The following EXOC4 variants were observed in gnomAD, a reference collection of about 807,000 sequenced individuals.
EXOC4 encodes SEC8-like 1.
EXOC4 carries 71 observed loss-of-function variants against 107.2 expected under a neutral mutation model. That is an observed-to-expected ratio of 0.66 (90% confidence interval 0.55 to 0.81). The LOEUF is 0.81. Ranked by LOEUF, EXOC4 falls within the 30% of genes least tolerant of loss-of-function variation. The pLI, the probability that EXOC4 is intolerant of heterozygous loss-of-function variation, is 0.00. For synonymous variants in EXOC4, 456 were observed against 441.2 expected, an observed-to-expected ratio of 1.03 and a Z score of -0.42; for missense variants, 1,108 against 1,189.6, an observed-to-expected ratio of 0.93 and a Z score of 1.01.
chr7:133,621,518 C>T (rs1007736918), intron 9 of EXOC4, among the ~76,000 whole-genome samples: 4 of 152,178 alleles, frequency 2.6e-5, no homozygotes, highest in South Asian at 2.1e-4. Context: ...TTCCAACACA[C>T]GTAAGATACT....
At chr7:133,424,407 T>G (rs1797677378) in intron 7 of EXOC4, among the ~76,000 whole-genome samples, 1 of 151,564 alleles carries the variant, frequency 6.6e-6, no homozygotes, top group African/African-American at 2.4e-5. Context: ...GCAGCCTCAC[T>G]CTGAAGTCAG....
downstream of EXOC4, among the ~76,000 whole-genome samples, chr7:134,067,632 T>TAC (rs1177750777): frequency 0.069 from 6,789 of 98,202 alleles, 309 homozygotes; most frequent in East Asian, 0.17. Flanking sequence ...CTCTTATATA[T>TAC]ATATATACAC....
intron 3 of EXOC4, among the ~76,000 whole-genome samples, chr7:133,290,265 C>T (rs566642532): frequency 7.9e-5 from 12 of 152,228 alleles, no homozygotes; most frequent in African/African-American, 2.6e-4. Flanking sequence ...CACTGTACTC[C>T]AGCCTGGGCG....
At chr7:133,531,618 AGTT>A (rs1800183014) in intron 9 of EXOC4, among the ~76,000 whole-genome samples, 3 of 152,278 alleles carry the variant, frequency 2.0e-5, no homozygotes, top group Admixed American at 2.0e-4. Context: ...CAGGGTCCAA[AGTT>A]AGGAAGAAAA....
intron 12 of EXOC4, among the ~76,000 whole-genome samples, chr7:133,898,624 T>C (rs1425907008): frequency 6.6e-6 from 1 of 151,420 alleles, no homozygotes; most frequent in Non-Finnish European, 1.5e-5. Context: ...GCAGCGCCTG[T>C]AGTCCCAGCT....
intron 10 of EXOC4, among the ~76,000 whole-genome samples, chr7:133,702,309 C>T (rs1794677000): frequency 1.3e-5 from 2 of 151,074 alleles, no homozygotes; most frequent in Admixed American, 1.3e-4. Flanking sequence ...TTGTCGCCAC[C>T]AACGATGCTG....
At chr7:134,041,638 G>A (rs962564700) in intron 17 of EXOC4, among the ~76,000 whole-genome samples, 4 of 151,984 alleles carry the variant, frequency 2.6e-5, no homozygotes, top group Admixed American at 2.0e-4. Context: ...ATTTAATTAG[G>A]CTTGATATCA....
intron 10 of EXOC4, among the ~76,000 whole-genome samples, chr7:133,696,362 C>T (rs1562911965): frequency 6.6e-6 from 1 of 152,184 alleles, no homozygotes; most frequent in Non-Finnish European, 1.5e-5. Flanking sequence ...TGATTTAGGG[C>T]TTAAAGGTCA....
chr7:134,078,211 T>G, the EXOC4 span, among the ~76,000 whole-genome samples: 1 of 152,126 alleles, frequency 6.6e-6, no homozygotes, highest in Non-Finnish European at 1.5e-5. Flanking sequence ...TCCTGTAGTA[T>G]TAGTGAGCTC....
intron 14 of EXOC4, among the ~76,000 whole-genome samples, chr7:133,981,491 G>GA (rs549011750): frequency 2.0e-5 from 3 of 151,264 alleles, no homozygotes; most frequent in Non-Finnish European, 3.0e-5. Context: ...CAGGCAACAA[G>GA]AAAAAAAAGC....
intron 12 of EXOC4, among the ~76,000 whole-genome samples, chr7:133,903,406 G>C (rs1462916617): frequency 6.6e-6 from 1 of 152,184 alleles, no homozygotes; most frequent in Non-Finnish European, 1.5e-5. Flanking sequence ...TTGCACTGTT[G>C]GTAGCAGCAG....
intron 14 of EXOC4, among the ~76,000 whole-genome samples, chr7:133,958,516 T>C (rs548658542): frequency 6.6e-6 from 1 of 152,236 alleles, no homozygotes; most frequent in Non-Finnish European, 1.5e-5. Flanking sequence ...ACTGAAACTG[T>C]TCTCTCTGAC....
chr7:133,479,926 T>G, intron 8 of EXOC4, 124 bp from the exon 9 acceptor site: 1 of 791,238 alleles, frequency 1.3e-6, no homozygotes, highest in Non-Finnish European at 2.2e-6. Context: ...ATAGCCAAAG[T>G]GTCTTCATCA....
intron 9 of EXOC4, among the ~76,000 whole-genome samples, chr7:133,491,848 A>G (rs1183783115): frequency 1.3e-5 from 2 of 152,220 alleles, no homozygotes; most frequent in Non-Finnish European, 2.9e-5. Context: ...GACCACACTG[A>G]ACAAAGGAAG....
intron 14 of EXOC4, among the ~76,000 whole-genome samples, chr7:133,967,616 G>C (rs1801101234): frequency 6.6e-6 from 1 of 152,174 alleles, no homozygotes; most frequent in African/African-American, 2.4e-5. Context: ...AGGTTGTTTA[G>C]TTTCCATGAA....
chr7:133,641,986 A>G (rs924045997), intron 10 of EXOC4, among the ~76,000 whole-genome samples: 1 of 152,178 alleles, frequency 6.6e-6, no homozygotes, highest in African/African-American at 2.4e-5. Context: ...TGAACGTTGG[A>G]GGTCTGTCTG....
intron 5 of EXOC4, among the ~76,000 whole-genome samples, chr7:133,346,177 G>T (rs1377561858): frequency 6.6e-6 from 1 of 152,146 alleles, no homozygotes; most frequent in African/African-American, 2.4e-5. Flanking sequence ...TACAGATTTG[G>T]CAAGGGCAAC....
chr7:133,734,073 C>T (rs1479460300), intron 10 of EXOC4, among the ~76,000 whole-genome samples: 1 of 152,216 alleles, frequency 6.6e-6, no homozygotes, highest in Non-Finnish European at 1.5e-5. Context: ...CTGCTCAACT[C>T]AATATATGGA....
intron 17 of EXOC4, among the ~76,000 whole-genome samples, chr7:134,054,323 A>G (rs1417011125): frequency 6.6e-6 from 1 of 152,134 alleles, no homozygotes; most frequent in African/African-American, 2.4e-5. Context: ...CCCAGTGACC[A>G]TTCACCCACC....
Sources: allele counts gnomAD v4.1 joint callset (sites outside exome capture counted in the v4.1 genomes callset), GRCh38; gene constraint gnomAD v4.1.1; transcripts MANE v1.5; gene names NCBI Gene and HGNC (gene_info 2026-07-23, HGNC 2026-07-21).